Variants in MCTP1 observed in about 807,000 individuals in gnomAD.
MCTP1 encodes multiple C2 and transmembrane domain-containing protein 1.
MCTP1 carries 69 observed loss-of-function variants against 120.6 expected under a neutral mutation model. The observed-to-expected ratio is 0.57, with a 90% confidence interval of 0.47 to 0.70. MCTP1 has a LOEUF of 0.70. Among genes scored for constraint, MCTP1 ranks in the 30% least tolerant of loss-of-function variants. The pLI is 0.00. For missense variants in MCTP1, 1,203 were observed against 1,248.8 expected (o/e 0.96, Z 0.55); for synonymous variants, 529 against 493.1 (o/e 1.07, Z -0.96).
chr5:94,977,996 T>C (rs758293788), intron 2 of MCTP1, among the ~76,000 whole-genome samples: 2 of 152,086 alleles, frequency 1.3e-5, no homozygotes, highest in Non-Finnish European at 2.9e-5. Flanking sequence ...TAGTTTCCAA[T>C]ATATAAGGAA....
intron 1 of MCTP1, among the ~76,000 whole-genome samples, chr5:95,257,796 T>TACACATATACACACACAC (rs1554239324): frequency 2.4e-5 from 3 of 125,366 alleles, no homozygotes; most frequent in Admixed American, 8.1e-5. Context: ...CCAGAAAACA[T>TACACATATACACACACAC]ACACACACAC....
chr5:94,974,933 A>G (rs1827768079), intron 2 of MCTP1, among the ~76,000 whole-genome samples: 2 of 152,194 alleles, frequency 1.3e-5, no homozygotes, highest in African/African-American at 4.8e-5. Context: ...TAGACTATTC[A>G]TATATTCACT....
At chr5:95,068,874 G>T in intron 1 of MCTP1, 2 of 1,102,066 alleles carry the variant, frequency 1.8e-6, no homozygotes, top group Non-Finnish European at 2.4e-6. Context: ...TGTACCTAGG[G>T]ACATTATTTA....
chr5:95,103,255 T>C (rs1222227326), intron 1 of MCTP1, among the ~76,000 whole-genome samples: 1 of 152,094 alleles, frequency 6.6e-6, no homozygotes, highest in Admixed American at 6.6e-5. Flanking sequence ...ACGTAAGCTT[T>C]GGAAAGAAGT....
chr5:94,854,449 C>T (rs1413554266), intron 17 of MCTP1, among the ~76,000 whole-genome samples: 1 of 151,730 alleles, frequency 6.6e-6, no homozygotes. Context: ...CTATTACAAC[C>T]AAGTTTTTAA....
intron 6 of MCTP1, 162 bp downstream of exon 6, chr5:94,931,791 A>C (rs148060055): frequency 3.0e-5 from 19 of 642,166 alleles, no homozygotes; most frequent in South Asian, 2.3e-4. Flanking sequence ...TGTGATTTCT[A>C]TTTAAAAAAC....
chr5:95,280,117 A>G (rs1205697295), intron 1 of MCTP1, among the ~76,000 whole-genome samples: 1 of 152,242 alleles, frequency 6.6e-6, no homozygotes, highest in African/African-American at 2.4e-5. Flanking sequence ...TTTGTTAAAT[A>G]TGTGCTTTAT....
intron 1 of MCTP1, among the ~76,000 whole-genome samples, chr5:95,204,451 C>T (rs983435117): frequency 6.6e-6 from 1 of 152,114 alleles, no homozygotes; most frequent in African/African-American, 2.4e-5. Context: ...TTCCCCCTGA[C>T]CCTAAGATCA....
intron 1 of MCTP1, among the ~76,000 whole-genome samples, chr5:95,072,740 A>ATTTTTTTTT (rs11421165): frequency 1.4e-4 from 13 of 95,258 alleles, no homozygotes; most frequent in Non-Finnish European, 1.5e-4. Flanking sequence ...CTTAGCAACT[A>ATTTTTTTTT]TTTTTTTTTT....
intron 10 of MCTP1, among the ~76,000 whole-genome samples, chr5:94,908,243 A>G (rs1029569468): frequency 6.6e-6 from 1 of 152,070 alleles, no homozygotes; most frequent in Admixed American, 6.5e-5. Context: ...AATGTAATGT[A>G]GTATTAGATT....
At chr5:94,752,785 T>C (rs1233453902) in intron 19 of MCTP1, among the ~76,000 whole-genome samples, 1 of 152,250 alleles carries the variant, frequency 6.6e-6, no homozygotes, top group African/African-American at 2.4e-5. Context: ...GATCACATAG[T>C]ACTTATCATC....
intron 2 of MCTP1, among the ~76,000 whole-genome samples, chr5:94,963,209 T>C (rs113032538): frequency 2.2e-4 from 34 of 152,266 alleles, no homozygotes; most frequent in African/African-American, 7.2e-4. Flanking sequence ...CATTCATTGA[T>C]AGACATTTAG....
rs369646763 is a variant in MCTP1, at chr5:94,888,869, C to T, written c.1933+10G>A. 2.1e-5 allele frequency: 33 copies of T among 1,576,298 alleles called. No homozygotes were observed. The highest frequency in any genetic ancestry group is 2.9e-5 in the Non-Finnish European group (33 of 1,145,998). ...GATCTGAGCAATAGGAGAATTGCAT[C>T]ATCTCTTACCAGTGACGTCGGCAGC... is the stretch of plus-strand genomic sequence containing the variant. On this transcript the variant is annotated intron_variant, in intron 12 of 22. Transcript: ENST00000515393.
chr5:95,118,797 C>T (rs1380195639), intron 1 of MCTP1, among the ~76,000 whole-genome samples: 1 of 152,098 alleles, frequency 6.6e-6, no homozygotes, highest in Non-Finnish European at 1.5e-5. Context: ...AAGAAAATCA[C>T]TAGATAATGA....
chr5:95,239,506 A>G (rs1023286623), intron 1 of MCTP1, among the ~76,000 whole-genome samples: 12 of 152,218 alleles, frequency 7.9e-5, no homozygotes, highest in Admixed American at 6.5e-4. Flanking sequence ...GGGATGAATT[A>G]TAAGACTTGT....
At chr5:94,991,644 C>T (rs927483121) in intron 2 of MCTP1, among the ~76,000 whole-genome samples, 23 of 151,980 alleles carry the variant, frequency 1.5e-4, no homozygotes, top group Non-Finnish European at 2.4e-4. Flanking sequence ...GAGGCTGAGG[C>T]GGGTGGATCA....
Position 95,257,796 on chromosome 5 carries a change from T to TACACACAC in MCTP1, c.720+26052_720+26059dup, listed in dbSNP as rs369408591. Among the ~76,000 whole-genome samples, 321 of 125,420 alleles carry TACACACAC rather than the reference T, an allele frequency of 2.6e-3. 2 individuals carry two copies. Among genetic ancestry groups the TACACACAC allele is most frequent in the African/African-American group, 2.2e-3 (70 of 31,474 alleles). The allele number at this position is 125,420 out of a possible 152,430, so 82.3% of individuals were successfully genotyped here. On this transcript the variant is annotated intron_variant, in intron 1 of 22. Coordinates refer to ENST00000515393, the MANE Select transcript of MCTP1 (RefSeq NM_024717.7). Reference sequence around the variant, plus strand: ...AAGGAAGGAAGTGCTCCAGAAAACATACACACACACACACACACACACACA... The same window carrying TACACACAC: ...AAGGAAGGAAGTGCTCCAGAAAACATACACACACACACACACACACACACACACACACA...
At chr5:95,132,134 T>C (rs1245958849) in intron 1 of MCTP1, among the ~76,000 whole-genome samples, 1 of 152,210 alleles carries the variant, frequency 6.6e-6, no homozygotes, top group Non-Finnish European at 1.5e-5. Context: ...TGAAGAGTTA[T>C]GACAATTCCG....
At chr5:94,751,211 T>C (rs1297532443) in intron 19 of MCTP1, among the ~76,000 whole-genome samples, 2 of 151,998 alleles carry the variant, frequency 1.3e-5, no homozygotes, top group African/African-American at 4.8e-5. Flanking sequence ...TTTTCTCCTT[T>C]AGTAATAGAA....
Sources: gnomAD v4.1 joint callset for allele counts (sites outside exome capture counted in the v4.1 genomes callset) on GRCh38, gnomAD v4.1.1 for gene constraint, MANE v1.5 for transcripts, NCBI Gene and HGNC (gene_info 2026-07-23, HGNC 2026-07-21) for gene names.